Variants in RBFOX1 observed in about 807,000 individuals in gnomAD.
RBFOX1 encodes the protein RNA binding protein fox-1 homolog 1.
A neutral mutation model predicts 57.7 loss-of-function variants in RBFOX1; 8 were observed. The ratio of observed to expected loss-of-function variants is 0.14; its 90% confidence interval spans 0.08 to 0.25. The LOEUF (loss-of-function observed/expected upper bound fraction) is 0.25, where lower values mean the gene tolerates loss of function less well. Among genes scored for constraint, RBFOX1 ranks in the 10% least tolerant of loss-of-function variants. The probability of loss-of-function intolerance (pLI) is 1.00; values close to 1 mark genes in which losing one functional copy is unlikely to be tolerated. For missense variants in RBFOX1, 611 were observed against 548.5 expected (o/e 1.11, Z -1.14); for synonymous variants, 326 against 222.4 (o/e 1.47, Z -4.15).
At chr16:5,673,997 G>C (rs1596692083) in intron 3 of RBFOX1, among the ~76,000 whole-genome samples, 2 of 152,218 alleles carry the variant, frequency 1.3e-5, no homozygotes, top group South Asian at 2.1e-4. Context: ...AAGTGCTTCT[G>C]TGTGTGACAG....
intron 10 of RBFOX1, among the ~76,000 whole-genome samples, chr16:7,615,434 G>A (rs1344948731): frequency 6.6e-6 from 1 of 152,152 alleles, no homozygotes; most frequent in Admixed American, 6.5e-5. Context: ...ATATATGTAC[G>A]TAAATTAGAA....
rs2084189336 is a variant in RBFOX1, at chr16:7,712,765, C to A, written c.*2020C>A. On this transcript the variant is annotated 3_prime_UTR_variant, in exon 16 of 16. Coordinates refer to ENST00000550418, the MANE Select transcript of RBFOX1 (RefSeq NM_018723.4). ...CGAATTATTAAAACACTATGACATC[C>A]TCCAGAGGGAAGAAAGAGTAGGAGC... 1 of 152,176 alleles carries A rather than the reference C, an allele frequency of 6.6e-6. No individual in the cohort carries two copies. Among genetic ancestry groups the A allele is most frequent in the South Asian group, 2.1e-4 (1 of 4,826 alleles). The allele number at this position is 152,176 out of a possible 1,614,324, so 9.4% of individuals were successfully genotyped here. A position where few individuals can be genotyped will look rare whatever the true frequency, so the allele number is the denominator to read the frequency against.
chr16:5,600,700 C>A (rs1224367831), downstream of RBFOX1, among the ~76,000 whole-genome samples: 1 of 151,934 alleles, frequency 6.6e-6, no homozygotes, highest in East Asian at 1.9e-4. Context: ...ACTTTCCAGG[C>A]TGGATTTTTA....
chr16:5,537,815 C>G (rs143075943), intron 2 of RBFOX1, among the ~76,000 whole-genome samples: 10 of 152,190 alleles, frequency 6.6e-5, no homozygotes, highest in African/African-American at 2.4e-4. Flanking sequence ...CCAAGATAAT[C>G]TCCTTCTCTC....
chr16:5,920,041 C>G (rs1219801513), intron 4 of RBFOX1, among the ~76,000 whole-genome samples: 1 of 152,230 alleles, frequency 6.6e-6, no homozygotes, highest in African/African-American at 2.4e-5. Flanking sequence ...TCACGTCATT[C>G]TCCTGCCTCA....
At chr16:7,188,973 A>AAG (rs1209076916) in intron 4 of RBFOX1, among the ~76,000 whole-genome samples, 2 of 152,160 alleles carry the variant, frequency 1.3e-5, no homozygotes, top group African/African-American at 4.8e-5. Flanking sequence ...TAAACCACTC[A>AAG]AGGAAGGGTT....
At chr16:5,337,787 G>A (rs980670044) in intron 1 of RBFOX1, among the ~76,000 whole-genome samples, 2 of 152,212 alleles carry the variant, frequency 1.3e-5, no homozygotes, top group Non-Finnish European at 2.9e-5. Context: ...AGAGGGCAAG[G>A]AAGGAACTGG....
chr16:7,297,114 C>T (rs1173833007), intron 4 of RBFOX1, among the ~76,000 whole-genome samples: 1 of 152,264 alleles, frequency 6.6e-6, no homozygotes, highest in African/African-American at 2.4e-5. Context: ...AGGGAGAAGA[C>T]ACTGTCTGTA....
chr16:7,497,623 C>T (rs1156681862), intron 4 of RBFOX1, among the ~76,000 whole-genome samples: 1 of 152,224 alleles, frequency 6.6e-6, no homozygotes, highest in African/African-American at 2.4e-5. Context: ...GGGGACCAGA[C>T]ACAGTGGATA....
At chr16:7,140,655 A>G (rs913620202) in intron 4 of RBFOX1, among the ~76,000 whole-genome samples, 1 of 152,184 alleles carries the variant, frequency 6.6e-6, no homozygotes, top group African/African-American at 2.4e-5. Context: ...TGAACCAACA[A>G]TTCCTGTGTG....
At chr16:7,287,672 T>C (rs1323373304) in intron 4 of RBFOX1, among the ~76,000 whole-genome samples, 2 of 151,980 alleles carry the variant, frequency 1.3e-5, no homozygotes, top group Non-Finnish European at 2.9e-5. Context: ...TGAAAAATGA[T>C]AAAAGTCGCC....
intron 3 of RBFOX1, among the ~76,000 whole-genome samples, chr16:6,884,840 G>T (rs949681335): frequency 6.6e-6 from 1 of 152,184 alleles, no homozygotes; most frequent in African/African-American, 2.4e-5. Flanking sequence ...GGAGGTGGCA[G>T]TCAGCCCAGA....
chr16:7,479,084 T>A (rs9673288), intron 4 of RBFOX1, among the ~76,000 whole-genome samples: 151,156 of 151,766 alleles, frequency 1, 75,277 homozygotes, highest in Middle Eastern at 1. Context: ...GCACTCAGGT[T>A]GTGGTGGGAA....
chr16:6,517,691 T>G (rs1474241601), intron 2 of RBFOX1, among the ~76,000 whole-genome samples: 1 of 152,172 alleles, frequency 6.6e-6, no homozygotes, highest in African/African-American at 2.4e-5. Flanking sequence ...TATTGTCTCT[T>G]CTTGATTACA....
At chr16:7,397,975 C>G (rs1048994342) in intron 4 of RBFOX1, among the ~76,000 whole-genome samples, 2 of 152,236 alleles carry the variant, frequency 1.3e-5, no homozygotes, top group South Asian at 2.1e-4. Context: ...ATGTTATAAA[C>G]CACCAAGACA....
At chr16:5,301,638 A>C (rs1164982751) in intron 1 of RBFOX1, among the ~76,000 whole-genome samples, 5 of 146,380 alleles carry the variant, frequency 3.4e-5, no homozygotes, top group African/African-American at 2.5e-5. Context: ...AAAAAAAAAA[A>C]CACACAAAAA....
At chr16:6,342,539 A>G (rs2084723469) in intron 2 of RBFOX1, among the ~76,000 whole-genome samples, 1 of 152,130 alleles carries the variant, frequency 6.6e-6, no homozygotes, top group African/African-American at 2.4e-5. Context: ...ACGAGATTCA[A>G]GGTTGAGGCA....
chr16:6,122,841 A>C (rs1256721069), intron 1 of RBFOX1, among the ~76,000 whole-genome samples: 1 of 144,360 alleles, frequency 6.9e-6, no homozygotes, highest in Admixed American at 6.8e-5. Context: ...TATAAAATAT[A>C]CTCTCTGATT....
At chr16:7,686,534 GGA>G (rs2076103253) in intron 14 of RBFOX1, among the ~76,000 whole-genome samples, 1 of 151,978 alleles carries the variant, frequency 6.6e-6, no homozygotes, top group African/African-American at 2.4e-5. Flanking sequence ...TTCTTTGGGT[GGA>G]GAGAGAAAGA....
Sources: gnomAD v4.1 joint callset for allele counts (sites outside exome capture counted in the v4.1 genomes callset) on GRCh38, gnomAD v4.1.1 for gene constraint, MANE v1.5 for transcripts, NCBI Gene and HGNC (gene_info 2026-07-23, HGNC 2026-07-21) for gene names.